C6: variants seen among roughly 807,000 people sequenced by gnomAD.
C6 encodes the protein complement component C6.
In C6, 101 loss-of-function variants were observed where a neutral mutation model predicts 112.9. The observed-to-expected ratio is 0.89, with a 90% CI of 0.76 to 1.06. The LOEUF (loss-of-function observed/expected upper bound fraction) is 1.06. Ranked by LOEUF, C6 falls within the 50% of genes least tolerant of loss-of-function variation. The pLI is 0.00. For synonymous variants in C6, 431 were observed against 384.1 expected (o/e 1.12, Z -1.43); for missense variants, 1,202 against 1,104.6 (o/e 1.09, Z -1.25).
At position 41,239,042 on chromosome 5, in the gene C6, A is replaced by G. The variant is rs1314104556; in HGVS notation, c.-21+22152T>C. Among the ~76,000 whole-genome samples, 3 of 151,970 alleles carry G rather than the reference A, an allele frequency of 2.0e-5. No homozygotes were observed. In the East Asian group the frequency reaches 5.8e-4, roughly 29 times the overall value. ...ACATTTTGTTACATGCATAGAATGC[A>G]TAATTATCAAGTCAGGGTATTTTGG... On this transcript the variant is annotated intron_variant, in intron 1 of 17. Coordinates refer to the C6 transcript ENST00000263413.
chr5:41,180,564 A>G (rs973110905), intron 7 of C6, among the ~76,000 whole-genome samples: 1 of 152,178 alleles, frequency 6.6e-6, no homozygotes, highest in Non-Finnish European at 1.5e-5. Context: ...GGAAAAGTCC[A>G]ATACTTAGAC....
At chr5:41,199,655 TA>T in intron 4 of C6, 112 bp downstream of exon 4, 1 of 1,076,620 alleles carries the variant, frequency 9.3e-7, no homozygotes, top group Non-Finnish European at 1.4e-6. Context: ...CCACTCTGCT[TA>T]AAATGTGGTG....
At chr5:41,187,473 G>T (rs1422226620) in intron 5 of C6, among the ~76,000 whole-genome samples, 1 of 152,124 alleles carries the variant, frequency 6.6e-6, no homozygotes. Context: ...ACTATGGGAG[G>T]CTTTTGCGAT....
chr5:41,161,192 C>G (rs575391096), intron 10 of C6, among the ~76,000 whole-genome samples: 1 of 152,048 alleles, frequency 6.6e-6, no homozygotes, highest in Non-Finnish European at 1.5e-5. Context: ...ATGGCTGATA[C>G]GTGGGTAAAG....
At chr5:41,248,791 T>C (rs935525127) in intron 1 of C6, among the ~76,000 whole-genome samples, 3 of 152,186 alleles carry the variant, frequency 2.0e-5, no homozygotes, top group Admixed American at 6.5e-5. Context: ...AAAACAGAAC[T>C]ACCATTACCC....
intron 9 of C6, among the ~76,000 whole-genome samples, 159 bp from the exon 10 acceptor site, chr5:41,162,018 C>G (rs1472359450): frequency 6.6e-6 from 1 of 152,200 alleles, no homozygotes; most frequent in Non-Finnish European, 1.5e-5. Flanking sequence ...AACACTCCTC[C>G]TCCCTGTAGG....
intron 1 of C6, among the ~76,000 whole-genome samples, chr5:41,224,602 T>G (rs1056715387): frequency 2.0e-5 from 3 of 152,266 alleles, no homozygotes; most frequent in Admixed American, 6.5e-5. Context: ...TATTGCTGAA[T>G]AACACTCTGT....
chr5:41,244,281 G>T (rs1740897042), intron 1 of C6, among the ~76,000 whole-genome samples: 1 of 152,096 alleles, frequency 6.6e-6, no homozygotes, highest in Non-Finnish European at 1.5e-5. Flanking sequence ...AGCAGCAAAA[G>T]CTAAAATTTT....
At chr5:41,201,871 A>T (rs1221685845) in intron 2 of C6, among the ~76,000 whole-genome samples, 157 bp from the exon 3 acceptor site, 2 of 152,124 alleles carry the variant, frequency 1.3e-5, no homozygotes, top group Admixed American at 1.3e-4. Context: ...AGTTCTCACC[A>T]CTTAATAGAA....
intron 9 of C6, among the ~76,000 whole-genome samples, chr5:41,166,387 A>G (rs1747976949): frequency 6.6e-6 from 1 of 152,028 alleles, no homozygotes; most frequent in African/African-American, 2.4e-5. Context: ...CTGTGTCCTC[A>G]TCTATAAAAT....
chr5:41,217,370 A>G (rs1281409190), upstream of C6, among the ~76,000 whole-genome samples: 1 of 152,166 alleles, frequency 6.6e-6, no homozygotes, highest in Non-Finnish European at 1.5e-5. Flanking sequence ...AATAATATTT[A>G]TCTTTATATT....
At chr5:41,175,952 CTCTAGCT>C (rs1413427180) in intron 8 of C6, among the ~76,000 whole-genome samples, 1 of 152,210 alleles carries the variant, frequency 6.6e-6, no homozygotes, top group African/African-American at 2.4e-5. Flanking sequence ...ATCTGGCCCA[CTCTAGCT>C]TAGTCGCTTG....
chr5:41,172,251 G>C lies in C6; in HGVS notation c.1265C>G (p.Thr422Ser). Residue 422 changes from threonine (T) to serine (S), a missense_variant, in exon 9 of 18, where the codon ACC becomes AGC. Coordinates refer to ENST00000337836, the MANE Select transcript of C6 (RefSeq NM_000065.5). ...TTCATGTTTCTCTGACAGCTTGTTG[G>C]TGGTGCACCTATGTTCCACTTTTGT... is the stretch of plus-strand genomic sequence containing the variant. ...KKTKVEHRCT[T>S]NKLSEKHEGS... 6.2e-7 allele frequency: 1 copy of C among 1,613,734 alleles called. No individual in the cohort carries two copies. Among genetic ancestry groups the C allele is most frequent in the South Asian group, 1.1e-5 (1 of 91,088 alleles).
intron 3 of C6, among the ~76,000 whole-genome samples, chr5:41,201,132 G>A (rs1183991533): frequency 2.0e-5 from 3 of 151,956 alleles, no homozygotes; most frequent in African/African-American, 7.3e-5. Context: ...TGAATTTCAT[G>A]TTTAGACTGT....
chr5:41,239,411 T>C (rs1838497), intron 1 of C6, among the ~76,000 whole-genome samples: 135,057 of 152,044 alleles, frequency 0.89, 60,157 homozygotes, highest in African/African-American at 0.93. Flanking sequence ...TGTGCCTGGC[T>C]GAGCATTTAT....
intron 7 of C6, among the ~76,000 whole-genome samples, chr5:41,180,286 C>G (rs754398624): frequency 2.0e-5 from 3 of 152,146 alleles, no homozygotes; most frequent in Non-Finnish European, 2.9e-5. Context: ...CTCTCTAGTT[C>G]CATGATTCAG....
At chr5:41,220,644 A>T (rs2921173) in intron 1 of C6, among the ~76,000 whole-genome samples, 26,550 of 152,082 alleles carry the variant, frequency 0.17, 2,785 homozygotes, top group South Asian at 0.35. Context: ...TCTAGTGATT[A>T]ATGATGTTGG....
chr5:41,165,032 A>G (rs997910320), intron 9 of C6, among the ~76,000 whole-genome samples: 6 of 152,100 alleles, frequency 3.9e-5, no homozygotes, highest in Non-Finnish European at 7.4e-5. Flanking sequence ...CAATTGTATT[A>G]TTATTGCTAT....
intron 1 of C6, among the ~76,000 whole-genome samples, chr5:41,229,721 G>A (rs115295072): frequency 0.026 from 3,904 of 152,084 alleles, 73 homozygotes; most frequent in Non-Finnish European, 0.04. Context: ...TCAAATCTTC[G>A]GCTTCCTTAT....
Sources: gnomAD v4.1 joint callset for allele counts (sites outside exome capture counted in the v4.1 genomes callset) on GRCh38, gnomAD v4.1.1 for gene constraint, MANE v1.5 for transcripts, NCBI Gene and HGNC (gene_info 2026-07-23, HGNC 2026-07-21) for gene names.